The following DLGAP4 variants were observed in gnomAD, a reference collection of about 807,000 sequenced individuals.
DLGAP4 encodes disks large-associated protein 4.
DLGAP4 carries 18 observed loss-of-function variants against 86.9 expected under a neutral mutation model. That is an observed-to-expected ratio of 0.21 (90% CI 0.14 to 0.31). DLGAP4 has a LOEUF of 0.31. DLGAP4 is among the 10% of genes least tolerant of loss of function. The pLI, the probability that DLGAP4 is intolerant of heterozygous loss-of-function variation, is 1.00. For missense variants in DLGAP4, 1,085 were observed against 1,362.6 expected (o/e 0.80, Z 3.21); for synonymous variants, 548 against 574.3 (o/e 0.95, Z 0.65).
chr20:36,486,655 G>T (rs1569516018), intron 7 of DLGAP4, among the ~76,000 whole-genome samples: 1 of 151,984 alleles, frequency 6.6e-6, no homozygotes, highest in Non-Finnish European at 1.5e-5. Context: ...CAGTTGCACA[G>T]GCTGGAGTGT....
intron 1 of DLGAP4, among the ~76,000 whole-genome samples, chr20:36,344,725 T>C (rs998042178): frequency 5.9e-5 from 9 of 152,342 alleles, no homozygotes; most frequent in Non-Finnish European, 1.3e-4. Context: ...CAGCTCCCAG[T>C]GGACCTGGGC....
At chr20:36,461,550 C>T in intron 7 of DLGAP4, 11 of 972,822 alleles carry the variant, frequency 1.1e-5, no homozygotes, top group Non-Finnish European at 1.3e-5. Flanking sequence ...GCCGCCAGTC[C>T]GTCCGTCTGT....
rs1443770887 is a variant in DLGAP4, at chr20:36,468,205, T to C, written c.1648+21268T>C. On this transcript the variant is annotated intron_variant, in intron 7 of 12. Coordinates refer to ENST00000339266, the MANE Select transcript of DLGAP4 (RefSeq NM_001365621.2). ...CTGTGAGAAGGTTCCGGAGTTGTGC[T>C]GTGTATATGTCCAGTCTGATAGTAG... Among the ~76,000 whole-genome samples, 10 of 152,340 alleles carry C rather than the reference T, an allele frequency of 6.6e-5. No homozygotes were observed. In the East Asian group the frequency reaches 1.7e-3, roughly 26 times the overall value.
At chr20:36,347,885 G>A (rs4287824) in intron 1 of DLGAP4, among the ~76,000 whole-genome samples, 7,373 of 151,562 alleles carry the variant, frequency 0.049, 603 homozygotes, top group African/African-American at 0.17. Flanking sequence ...TATGAGATGG[G>A]TAGGCAGTTC....
chr20:36,320,924 C>A (rs1260073281), intron 1 of DLGAP4, among the ~76,000 whole-genome samples: 1 of 152,232 alleles, frequency 6.6e-6, no homozygotes, highest in African/African-American at 2.4e-5. Flanking sequence ...CCCTCCTGTA[C>A]CCCTTCCAGG....
chr20:36,499,761 T>C, intron 9 of DLGAP4, 85 bp downstream of exon 9: 1 of 1,292,228 alleles, frequency 7.7e-7, no homozygotes, highest in South Asian at 1.3e-5. Flanking sequence ...CTAACCCACT[T>C]CTCCTTGCTG....
chr20:36,340,841 A>G (rs1185292437), intron 1 of DLGAP4, among the ~76,000 whole-genome samples: 1 of 152,016 alleles, frequency 6.6e-6, no homozygotes, highest in Non-Finnish European at 1.5e-5. Context: ...GTGGAGGGGG[A>G]GGCATAATTA....
chr20:36,513,347 G>A (rs2036834556), intron 10 of DLGAP4, among the ~76,000 whole-genome samples: 1 of 150,992 alleles, frequency 6.6e-6, no homozygotes, highest in Non-Finnish European at 1.5e-5. Context: ...AGGAGATCGA[G>A]ACCATCCTGG....
At position 36,381,273 on chromosome 20, in the gene DLGAP4, G is replaced by A. The variant is rs140757393; in HGVS notation, c.-73+13998G>A. Among the ~76,000 whole-genome samples, 1,064 of 152,332 alleles carry A rather than the reference G, an allele frequency of 7.0e-3. 13 individuals carry two copies. Among genetic ancestry groups the A allele is most frequent in the African/African-American group, 0.025 (1,021 of 41,578 alleles). On this transcript the variant is annotated intron_variant, in intron 2 of 12. Coordinates refer to ENST00000339266, the MANE Select transcript of DLGAP4 (RefSeq NM_001365621.2). The stretch of plus-strand genomic sequence containing the variant: ...GCCCCTTTGGCACTCACAACAGATA[G>A]GGAAGATGGGCAAGGAAACAAATTC...
At chr20:36,464,787 T>C (rs2034265934) in intron 7 of DLGAP4, among the ~76,000 whole-genome samples, 2 of 151,630 alleles carry the variant, frequency 1.3e-5, no homozygotes, top group Admixed American at 1.3e-4. Flanking sequence ...GAAGCGGAGG[T>C]TGCAGTGAGC....
At chr20:36,499,157 A>G in intron 8 of DLGAP4, 2 of 1,339,326 alleles carry the variant, frequency 1.5e-6, no homozygotes, top group Non-Finnish European at 2.1e-6. Flanking sequence ...ACTACACCAG[A>G]TAACGGCTGT....
chr20:36,438,573 G>A (rs965983539), intron 4 of DLGAP4, among the ~76,000 whole-genome samples: 1 of 150,566 alleles, frequency 6.6e-6, no homozygotes, highest in Non-Finnish European at 1.5e-5. Context: ...TGTATATATT[G>A]TAAAGATGGG....
intron 7 of DLGAP4, among the ~76,000 whole-genome samples, chr20:36,458,451 T>G (rs2033938793): frequency 6.9e-6 from 1 of 144,048 alleles, no homozygotes; most frequent in Non-Finnish European, 1.5e-5. Context: ...GGTCTTGAAC[T>G]CCTGACCTCA....
intron 1 of DLGAP4, among the ~76,000 whole-genome samples, chr20:36,355,234 C>A (rs1186120797): frequency 2.0e-5 from 3 of 151,876 alleles, no homozygotes; most frequent in East Asian, 3.9e-4. Flanking sequence ...ATGTAGTCTT[C>A]ACGTCTAGCT....
intron 7 of DLGAP4, among the ~76,000 whole-genome samples, chr20:36,454,602 C>G (rs918437228): frequency 1.3e-5 from 2 of 152,196 alleles, no homozygotes; most frequent in South Asian, 2.1e-4. Flanking sequence ...AAGGCTGCCC[C>G]CTTACTCCTC....
intron 10 of DLGAP4, among the ~76,000 whole-genome samples, chr20:36,520,817 GT>G (rs1292477381): frequency 6.6e-6 from 1 of 150,636 alleles, no homozygotes; most frequent in Non-Finnish European, 1.5e-5. Context: ...TGGAGATTTG[GT>G]CTTATGTTTT....
At chr20:36,368,746 T>C (rs1281583730) in intron 2 of DLGAP4, among the ~76,000 whole-genome samples, 1 of 152,246 alleles carries the variant, frequency 6.6e-6, no homozygotes, top group Non-Finnish European at 1.5e-5. Context: ...AAATGTGTAA[T>C]GAGGGCCAGC....
In DLGAP4 at chr20:36,500,339, C is replaced by T. The variant is rs1166217825; in HGVS notation, c.2240C>T (p.Ala747Val). The T allele has an allele frequency of 6.2e-7, 1 of 1,613,790 alleles. No homozygotes were observed. Among genetic ancestry groups the T allele is most frequent in the East Asian group, 2.2e-5 (1 of 44,860 alleles). Residue 747 changes from alanine (A) to valine (V), a missense_variant, in exon 10 of 13, where the codon GCC (alanine) becomes GTC (valine). Physicochemically the swap from Ala to Val is moderately conservative, Grantham distance 64 (BLOSUM62 0). Coordinates refer to ENST00000339266, the MANE Select transcript of DLGAP4 (RefSeq NM_001365621.2). This position sits in a 1 kb window ranked among gnomAD's most constrained non-coding sequence, Gnocchi z 4.6. The part of the protein sequence containing the change: ...TPHPNSISID[A>V]GPRQAPKIAQ... ...CACCCCAACTCCATCAGCATCGATG[C>T]CGGTCCCCGGCAGGCCCCCAAGATT...
At chr20:36,377,320 T>C (rs2031195997) in intron 2 of DLGAP4, among the ~76,000 whole-genome samples, 1 of 152,228 alleles carries the variant, frequency 6.6e-6, no homozygotes, top group Non-Finnish European at 1.5e-5. Context: ...GCTGATGATC[T>C]GGAAGGTCCT....
Sources: gnomAD v4.1 joint callset for allele counts (sites outside exome capture counted in the v4.1 genomes callset) on GRCh38, gnomAD v4.1.1 for gene constraint, Gnocchi (gnomAD v3.1) non-coding constraint, MANE v1.5 for transcripts, NCBI Gene and HGNC (gene_info 2026-07-23, HGNC 2026-07-21) for gene names.